RYR1: variants seen among roughly 807,000 people sequenced by gnomAD.
RYR1 encodes the protein ryanodine receptor 1.
Under a neutral mutation model 583.5 loss-of-function variants are expected in RYR1, and 342 were observed. That is an observed-to-expected ratio of 0.59 (90% confidence interval 0.54 to 0.64). The LOEUF is 0.64. Among genes scored for constraint, RYR1 ranks in the 30% least tolerant of loss-of-function variants. The pLI, the probability that RYR1 is intolerant of heterozygous loss-of-function variation, is 0.00. For synonymous variants in RYR1, 2,791 were observed against 2,822.5 expected, an observed-to-expected ratio of 0.99 and a Z score of 0.35; for missense variants, 6,032 against 6,917.2, an observed-to-expected ratio of 0.87 and a Z score of 4.54.
chr19:38,482,800 C>T (rs564610280), intron 31 of RYR1, among the ~76,000 whole-genome samples: 2 of 152,066 alleles, frequency 1.3e-5, no homozygotes, highest in Admixed American at 6.6e-5. Flanking sequence ...ATTCCCAGTG[C>T]GGGGTGTGAT....
In RYR1 at chr19:38,500,727, G is replaced by C. The variant is rs1036351712; in HGVS notation, c.7444+1G>C. ...CTGCAGATTCCCACCCTGGGCAAAG[G>C]TGCAGAGGGGATGGAACTTGGCGAA... On this transcript the variant is annotated splice_donor_variant, in intron 46 of 105. Coordinates refer to ENST00000359596, the MANE Select transcript of RYR1 (RefSeq NM_000540.3). LOFTEE classifies it high-confidence loss of function. This position sits in a 1 kb window ranked among gnomAD's most constrained non-coding sequence, Gnocchi z 5.9. The C allele has an allele frequency of 6.2e-7, 1 of 1,614,020 alleles. No individual in the cohort carries two copies. The highest frequency in any genetic ancestry group is 1.3e-5 in the African/African-American group (1 of 74,924).
In RYR1 at chr19:38,543,072, C is replaced by T. The variant is rs945692798; in HGVS notation, c.11690-275C>T. On this transcript the variant is annotated intron_variant, in intron 84 of 105. Coordinates refer to ENST00000359596, the MANE Select transcript of RYR1 (RefSeq NM_000540.3). This position sits in a 1 kb window ranked among gnomAD's most constrained non-coding sequence, Gnocchi z 4.4. ...GGTCAGGCTGGTCTCAAACTCCTGA[C>T]CTCAGGTGATCTGCCTGCCTGGGCC... 5.1e-4 allele frequency among the ~76,000 whole-genome samples: 78 copies of T among 152,076 alleles called. No homozygotes were observed. Among genetic ancestry groups the T allele is most frequent in the Non-Finnish European group, 5.1e-4 (35 of 68,002 alleles).
chr19:38,445,299 C>T (rs1230578853), intron 7 of RYR1, among the ~76,000 whole-genome samples: 1 of 151,172 alleles, frequency 6.6e-6, no homozygotes, highest in Non-Finnish European at 1.5e-5. Flanking sequence ...CCCCTCAAAC[C>T]CAGACCCCCA....
At position 38,565,138 on chromosome 19, in the gene RYR1, G is replaced by A. The variant is rs1384643579; in HGVS notation, c.12804G>A (p.Ala4268=). Residue 4268 remains alanine, a synonymous_variant, in exon 91 of 106, where the codon GCG becomes GCA. Transcript: ENST00000359596. The surrounding 1 kb of genome is among the most constrained non-coding windows in gnomAD (Gnocchi z 4.7). ...ACGAGGACGAGGGCGCGGGCGCGGC[G>A]GAGGCGGGCGCGGAAGGCGCGGAGG... ...ETDEDEGAGA[A]EAGAEGAEEG... is the part of the protein sequence containing the mutation. The A allele has an allele frequency of 2.6e-6, 4 of 1,525,624 alleles. No individual in the cohort carries two copies. Among genetic ancestry groups the A allele is most frequent in the Non-Finnish European group, 3.5e-6 (4 of 1,140,388 alleles). The allele number at this position is 1,525,624 out of a possible 1,614,324, so 94.5% of individuals were successfully genotyped here. A position where few individuals can be genotyped will look rare whatever the true frequency, so the allele number is the denominator to read the frequency against.
chr19:38,542,086 C>T (rs1972220680), intron 84 of RYR1, among the ~76,000 whole-genome samples: 3 of 150,076 alleles, frequency 2.0e-5, no homozygotes, highest in Non-Finnish European at 3.0e-5. Context: ...AAAAAATCCC[C>T]CCCAAGGCCG....
chr19:38,513,735 C>CA (rs35735689), intron 63 of RYR1, among the ~76,000 whole-genome samples: 3,967 of 128,044 alleles, frequency 0.031, 72 homozygotes, highest in Admixed American at 0.055. Context: ...GACTCCATCT[C>CA]AAAAAAAAAA....
Position 38,512,062 on chromosome 19 carries a change from C to T in RYR1, c.9173-10C>T, listed in dbSNP as rs759985813. ...CCATGGCATCCCCCCGGCCCATCTT[C>T]CTCTCCCAGGGACAGACGCCCCAGC... On this transcript the variant is annotated splice_polypyrimidine_tract_variant and intron_variant, in intron 61 of 105. Transcript: ENST00000359596. The surrounding 1 kb of genome is among the most constrained non-coding windows in gnomAD (Gnocchi z 5.1). The T allele has an allele frequency of 1.2e-6, 2 of 1,613,782 alleles. No individual in the cohort carries two copies. Among genetic ancestry groups the T allele is most frequent in the Non-Finnish European group, 1.7e-6 (2 of 1,179,900 alleles).
Position 38,466,162 on chromosome 19 carries a change from C to T in RYR1, c.2942C>T (p.Thr981Met), listed in dbSNP as rs541750731. The change falls in exon 24 of 106, where the codon ACG (threonine) becomes ATG (methionine). Residue 981 changes from threonine (T) to methionine (M), a missense_variant. Physicochemically the swap from Thr to Met is moderately conservative, Grantham distance 81. Transcript: ENST00000359596. ...CACGTGCGGCTGACGCCGGCGCAGA[C>T]GACACTGGTGGACCGTCTGGCAGAA... The part of the protein sequence containing the change: ...LSHVRLTPAQ[T>M]TLVDRLAENG... The T allele has an allele frequency of 3.1e-6, 5 of 1,613,580 alleles. No homozygotes were observed. The South Asian group carries it at 4.4e-5, about 14-fold the overall frequency.
chr19:38,438,616 CTTTT>C (rs71165544), intron 1 of RYR1, among the ~76,000 whole-genome samples: 22 of 93,964 alleles, frequency 2.3e-4, no homozygotes, highest in African/African-American at 8.6e-4. Flanking sequence ...CCAGGCTAGT[CTTTT>C]TTTTTTTTTT....
intron 47 of RYR1, 79 bp from the exon 48 acceptor site, chr19:38,502,428 G>C: frequency 7.4e-7 from 1 of 1,355,072 alleles, no homozygotes; most frequent in Non-Finnish European, 1.0e-6. Context: ...TGGATCCTTT[G>C]GCCACAGTCG....
intron 28 of RYR1, among the ~76,000 whole-genome samples, 159 bp downstream of exon 28, chr19:38,473,930 A>G (rs776328333): frequency 2.1e-4 from 32 of 152,226 alleles, no homozygotes; most frequent in Non-Finnish European, 4.1e-4. Context: ...TCTCCAATGA[A>G]CCCCATTATT....
chr19:38,473,246 G>A (rs1043807095), intron 27 of RYR1, 131 bp from the exon 28 acceptor site: 6 of 1,161,860 alleles, frequency 5.2e-6, no homozygotes, highest in Admixed American at 5.1e-5. Flanking sequence ...TGCAGGAGTG[G>A]GGGGCCCTTG....
intron 89 of RYR1, among the ~76,000 whole-genome samples, chr19:38,550,463 T>C (rs187389426): frequency 6.6e-6 from 1 of 152,338 alleles, no homozygotes; most frequent in East Asian, 1.9e-4. Flanking sequence ...GTCCTCAGTG[T>C]AATGTATTAG....
chr19:38,533,247 A>C (rs1971821918), intron 78 of RYR1, among the ~76,000 whole-genome samples: 1 of 152,174 alleles, frequency 6.6e-6, no homozygotes, highest in South Asian at 2.1e-4. Flanking sequence ...AGGCAGCAAG[A>C]AAGAGCTAGT....
intron 78 of RYR1, among the ~76,000 whole-genome samples, chr19:38,534,073 G>C (rs979297814): frequency 2.0e-5 from 3 of 148,484 alleles, no homozygotes; most frequent in African/African-American, 7.5e-5. Flanking sequence ...GTGCAGTGGC[G>C]TGATCTCAGC....
chr19:38,565,541 G>C lies in RYR1; in HGVS notation c.13207G>C (p.Ala4403Pro), dbSNP rs1051206491. Residue 4403 changes from alanine to proline, a missense_variant, in exon 91 of 106, where the codon GCA becomes CCA. Physicochemically the swap from Ala to Pro is conservative, Grantham distance 27. Transcript: ENST00000359596. The surrounding 1 kb of genome is among the most constrained non-coding windows in gnomAD (Gnocchi z 4.7). ...GEQPAGPGGD[A>P]DGEGASEGAG... ...GCAGCCGGCCGGGCCGGGCGGAGAC[G>C]CAGACGGCGAGGGTGCCAGCGAGGG... The C allele has an allele frequency of 6.7e-7, 1 of 1,500,440 alleles. No homozygotes were observed. The highest frequency in any genetic ancestry group is 1.5e-5 in the African/African-American group (1 of 68,948). The allele number at this position is 1,500,440 out of a possible 1,614,324, so 92.9% of individuals were successfully genotyped here. A position where few individuals can be genotyped will look rare whatever the true frequency, so the allele number is the denominator to read the frequency against.
intron 16 of RYR1, among the ~76,000 whole-genome samples, chr19:38,456,782 C>T (rs1967418821): frequency 6.7e-6 from 1 of 150,214 alleles, no homozygotes; most frequent in Non-Finnish European, 1.5e-5. Flanking sequence ...CATGGTGGCT[C>T]ACGCCTGTAA....
At position 38,478,466 on chromosome 19, in the gene RYR1, G is replaced by C. The variant is rs760892908; in HGVS notation, c.4486G>C (p.Gly1496Arg). The change falls in exon 31 of 106, where the codon GGC becomes CGC. Residue 1496 changes from glycine to arginine, a missense_variant. Transcript: ENST00000359596. ...LKCSNCYMVW[G>R]GDFVSPGQQG... ...GTGTAGCAACTGCTACATGGTGTGG[G>C]GCGGAGACTTTGTGAGTCCCGGGCA... 1 of 1,613,974 alleles carries C rather than the reference G, an allele frequency of 6.2e-7. No individual in the cohort carries two copies. Among genetic ancestry groups the C allele is most frequent in the South Asian group, 1.1e-5 (1 of 91,070 alleles).
chr19:38,473,704 G>T lies in RYR1; in HGVS notation c.4093G>T (p.Gly1365Ter), dbSNP rs1257478249. The change falls in exon 28 of 106, where the codon GGA (glycine) becomes TGA (stop). Residue 1365 changes from glycine (G) to a stop codon, truncating the protein, a stop_gained. Coordinates refer to ENST00000359596, the MANE Select transcript of RYR1 (RefSeq NM_000540.3). LOFTEE classifies it high-confidence loss of function. Reference protein sequence around the residue: ...GAPGGTPQAGGEAQPARAENE... With the variant: ...GAPGGTPQAG ...CCCCGGGGGCACCCCGCAGGCGGGG[G>T]GAGAGGCGCAGCCCGCCAGGGCGGA... 6.5e-7 allele frequency: 1 copy of T among 1,549,354 alleles called. No individual in the cohort carries two copies. The highest frequency in any genetic ancestry group is 8.7e-7 in the Non-Finnish European group (1 of 1,146,524).
Sources: gnomAD v4.1 joint callset for allele counts (sites outside exome capture counted in the v4.1 genomes callset) on GRCh38, gnomAD v4.1.1 for gene constraint, Gnocchi (gnomAD v3.1) non-coding constraint, MANE v1.5 for transcripts, NCBI Gene and HGNC (gene_info 2026-07-23, HGNC 2026-07-21) for gene names.